The following ROCK2 variants were observed in gnomAD, a reference collection of about 807,000 sequenced individuals.
The protein encoded by ROCK2 is Rho associated coiled-coil containing protein kinase 2.
ROCK2 carries 61 observed loss-of-function variants against 195.1 expected under a neutral mutation model. The observed-to-expected ratio is 0.31, with a 90% CI of 0.25 to 0.39. ROCK2 has a LOEUF of 0.39. ROCK2 is among the 10% of genes least tolerant of loss of function. The pLI, the probability that ROCK2 is intolerant of heterozygous loss-of-function variation, is 1.00. For missense variants in ROCK2, 1,109 were observed against 1,637.4 expected (o/e 0.68, Z 5.57); for synonymous variants, 504 against 545.5 (o/e 0.92, Z 1.06).
At chr2:11,243,576 C>CA (rs1382690985) in intron 4 of ROCK2, among the ~76,000 whole-genome samples, 1 of 152,032 alleles carries the variant, frequency 6.6e-6, no homozygotes, top group Non-Finnish European at 1.5e-5. Context: ...GTCTTTCTCC[C>CA]AAAAACCCAT....
chr2:11,339,466 C>T (rs575497818), intron 1 of ROCK2, among the ~76,000 whole-genome samples: 1 of 151,418 alleles, frequency 6.6e-6, no homozygotes, highest in South Asian at 2.1e-4. Context: ...CAGATATATA[C>T]CCTAATCTAC....
At chr2:11,204,201 T>C (rs1266111277) in intron 20 of ROCK2, among the ~76,000 whole-genome samples, 1 of 152,176 alleles carries the variant, frequency 6.6e-6, no homozygotes, top group East Asian at 1.9e-4. Context: ...TAGATATTAT[T>C]TGCCCATTCC....
Position 11,198,662 on chromosome 2 carries a change from A to AT in ROCK2, c.3004+18dup. 1 of 1,580,738 alleles carries AT rather than the reference A, an allele frequency of 6.3e-7. No individual in the cohort carries two copies. The highest frequency in any genetic ancestry group is 2.2e-5 in the East Asian group (1 of 44,596). ...AACATTAGGTATATTAAAAATAAACATTTTTTGTTAATACATACGCTCTTG... is the reference window on the plus strand; with the variant it reads ...AACATTAGGTATATTAAAAATAAACATTTTTTTGTTAATACATACGCTCTTG... On this transcript the variant is annotated intron_variant, in intron 24 of 32. Coordinates refer to ENST00000315872, the MANE Select transcript of ROCK2 (RefSeq NM_004850.5).
chr2:11,225,463 ACTTT>A (rs1558307104), intron 6 of ROCK2, among the ~76,000 whole-genome samples: 2 of 151,600 alleles, frequency 1.3e-5, no homozygotes, highest in Non-Finnish European at 2.9e-5. Context: ...AACTTTTTAA[ACTTT>A]CTTATGTTAA....
At chr2:11,324,179 G>A (rs1380496836) in intron 1 of ROCK2, among the ~76,000 whole-genome samples, 2 of 152,366 alleles carry the variant, frequency 1.3e-5, no homozygotes, top group East Asian at 1.9e-4. Flanking sequence ...GCTCACGCCT[G>A]TAATCCCAGC....
At chr2:11,221,140 A>T in intron 9 of ROCK2, 58 bp downstream of exon 9, 1 of 1,309,804 alleles carries the variant, frequency 7.6e-7, no homozygotes, top group Non-Finnish European at 1.0e-6. Context: ...AAAATAACAC[A>T]TCATCTTATA....
rs1466932176 is a variant in ROCK2, at chr2:11,181,126, T to G, written c.*2311A>C. 1.3e-5 allele frequency: 2 copies of G among 149,518 alleles called. No homozygotes were observed. Among genetic ancestry groups the G allele is most frequent in the African/African-American group, 4.9e-5 (2 of 40,902 alleles). The allele number at this position is 149,518 out of a possible 1,614,324, so 9.3% of individuals were successfully genotyped here. A position where few individuals can be genotyped will look rare whatever the true frequency, so the allele number is the denominator to read the frequency against. The stretch of plus-strand genomic sequence containing the variant: ...ACTTTTGCCTTTTTTACTCAAATAT[T>G]TCAGTTACTCATATGTAAACTTGAA... On this transcript the variant is annotated 3_prime_UTR_variant, in exon 33 of 33. Coordinates refer to ENST00000315872, the MANE Select transcript of ROCK2 (RefSeq NM_004850.5).
At position 11,192,599 on chromosome 2, in the gene ROCK2, A is replaced by G; in HGVS notation, c.3801T>C (p.Leu1267=). The change falls in exon 31 of 33, where the codon CTT becomes CTC. Residue 1267 remains leucine (L), a synonymous_variant. Coordinates refer to ENST00000315872, the MANE Select transcript of ROCK2 (RefSeq NM_004850.5). The surrounding 1 kb of genome is among the most constrained non-coding windows in gnomAD (Gnocchi z 5.0). ...CHKGHEFIPT[L]YHFPTNCEAC... The stretch of plus-strand genomic sequence containing the variant: ...CCTCACAGTTGGTTGGGAAATGATA[A>G]AGAGTAGGAATAAACTCATGTCCCT... The G allele has an allele frequency of 6.2e-7, 1 of 1,614,124 alleles. No homozygotes were observed. Among genetic ancestry groups the G allele is most frequent in the Non-Finnish European group, 8.5e-7 (1 of 1,180,006 alleles).
chr2:11,264,706 G>A (rs967438439), intron 3 of ROCK2, among the ~76,000 whole-genome samples: 22 of 152,082 alleles, frequency 1.4e-4, no homozygotes, highest in African/African-American at 5.3e-4. Context: ...CTTACCTTAA[G>A]AAGGCAAATA....
At chr2:11,324,374 G>C (rs1272947213) in intron 1 of ROCK2, among the ~76,000 whole-genome samples, 2 of 152,188 alleles carry the variant, frequency 1.3e-5, no homozygotes, top group African/African-American at 4.8e-5. Flanking sequence ...GCAGTGAGCC[G>C]AGATCATGCC....
At chr2:11,215,729 T>C in intron 13 of ROCK2, 84 bp from the exon 14 acceptor site, 1 of 1,167,398 alleles carries the variant, frequency 8.6e-7, no homozygotes, top group Non-Finnish European at 1.2e-6. Flanking sequence ...TCCAAACAGA[T>C]AAAAAAGATC....
In ROCK2 at chr2:11,308,466, C is replaced by T. The variant is rs1667932867; in HGVS notation, c.142-20730G>A. 8.1e-6 allele frequency: 13 copies of T among 1,605,884 alleles called. No homozygotes were observed. The South Asian group carries it at 1.3e-4, about 16-fold the overall frequency. ...GGAGCAGGGTCTCCTGATTCTTTTC[C>T]TGCTAGAGTTCCCGGTACTTTCTTA... On this transcript the variant is annotated intron_variant, in intron 1 of 32. Coordinates refer to ENST00000315872, the MANE Select transcript of ROCK2 (RefSeq NM_004850.5).
chr2:11,282,223 C>T (rs1386419444), intron 3 of ROCK2, among the ~76,000 whole-genome samples: 3 of 152,030 alleles, frequency 2.0e-5, no homozygotes, highest in Admixed American at 1.3e-4. Flanking sequence ...TGGTGGCACA[C>T]GCTTGTAGTC....
At chr2:11,283,518 G>T (rs1432626793) in intron 3 of ROCK2, among the ~76,000 whole-genome samples, 1 of 136,202 alleles carries the variant, frequency 7.3e-6, no homozygotes, top group East Asian at 2.2e-4. Context: ...CCGAGATTGC[G>T]CCACTGCAGT....
chr2:11,288,947 T>G lies in ROCK2; in HGVS notation c.142-1211A>C, dbSNP rs1667281770. Among the ~76,000 whole-genome samples, 3 of 152,200 alleles carry G rather than the reference T, an allele frequency of 2.0e-5. 1 individual carries two copies. The highest frequency in any genetic ancestry group is 4.2e-4 in the South Asian group (2 of 4,810). ...TTTAGAAAGGTAATTAATCTACTAA[T>G]CCTAGAATAACTGTACATACTATGC... On this transcript the variant is annotated intron_variant, in intron 1 of 32. Transcript: ENST00000315872.
intron 3 of ROCK2, among the ~76,000 whole-genome samples, chr2:11,269,944 G>T (rs1558345004): frequency 6.6e-6 from 1 of 152,180 alleles, no homozygotes; most frequent in East Asian, 1.9e-4. Flanking sequence ...CGTAGAGATG[G>T]GGTCTCACTA....
intron 3 of ROCK2, among the ~76,000 whole-genome samples, chr2:11,263,604 T>TA (rs11376539): frequency 0.73 from 102,363 of 140,466 alleles, 38,492 homozygotes; most frequent in East Asian, 0.93. Context: ...TTTACATTAT[T>TA]AAAAAAAAAA....
chr2:11,194,482 T>TTAA, intron 28 of ROCK2, 138 bp from the exon 29 acceptor site: 1 of 375,246 alleles, frequency 2.7e-6, no homozygotes. Flanking sequence ...AATATATCTT[T>TTAA]AGGACAGTCT....
At chr2:11,281,486 C>G (rs1667001001) in intron 3 of ROCK2, among the ~76,000 whole-genome samples, 1 of 152,040 alleles carries the variant, frequency 6.6e-6, no homozygotes, top group Non-Finnish European at 1.5e-5. Flanking sequence ...TCGAAAGTTT[C>G]CTGGAACAAG....
Sources: gnomAD v4.1 joint callset for allele counts (sites outside exome capture counted in the v4.1 genomes callset) on GRCh38, gnomAD v4.1.1 for gene constraint, Gnocchi (gnomAD v3.1) non-coding constraint, MANE v1.5 for transcripts, NCBI Gene and HGNC (gene_info 2026-07-23, HGNC 2026-07-21) for gene names.